Variants in ERC2 observed in about 807,000 individuals in gnomAD.
ERC2 encodes ERC protein 2.
ERC2 carries 42 observed loss-of-function variants against 114.8 expected under a neutral mutation model. The observed-to-expected ratio is 0.37, with a 90% CI of 0.29 to 0.47. The LOEUF is 0.47. Among genes scored for constraint, ERC2 ranks in the 20% least tolerant of loss-of-function variants. The pLI is 0.99. For missense variants in ERC2, 939 were observed against 1,150.7 expected, an observed-to-expected ratio of 0.82 and a Z score of 2.66; for synonymous variants, 454 against 425.5, an observed-to-expected ratio of 1.07 and a Z score of -0.82.
intron 15 of ERC2, among the ~76,000 whole-genome samples, chr3:55,726,946 G>C (rs1381242916): frequency 1.3e-5 from 2 of 152,096 alleles, no homozygotes; most frequent in Non-Finnish European, 2.9e-5. Context: ...GAAATAAGCT[G>C]GTTCTCATTT....
chr3:56,235,859 C>G (rs1034642040), intron 3 of ERC2, among the ~76,000 whole-genome samples: 1 of 152,222 alleles, frequency 6.6e-6, no homozygotes, highest in Non-Finnish European at 1.5e-5. Context: ...GCACTTCCAT[C>G]ATCACAGAAA....
chr3:56,438,368 A>G (rs2062125581), intron 1 of ERC2, among the ~76,000 whole-genome samples: 1 of 152,110 alleles, frequency 6.6e-6, no homozygotes, highest in Non-Finnish European at 1.5e-5. Flanking sequence ...CTTCCCTGCT[A>G]TATAAACCCT....
chr3:55,734,681 A>G, intron 15 of ERC2, 90 bp downstream of exon 15: 2 of 1,491,258 alleles, frequency 1.3e-6, no homozygotes, highest in Middle Eastern at 2.0e-4. Context: ...CACAGGATGG[A>G]CATGGGAAAA....
chr3:55,520,053 T>C (rs370707592), intron 17 of ERC2, among the ~76,000 whole-genome samples: 1 of 62,052 alleles, frequency 1.6e-5, no homozygotes, highest in East Asian at 2.7e-4. Context: ...AGACCCAGTC[T>C]CCAAAAAAAA....
At chr3:56,231,459 G>T (rs1380682043) in intron 3 of ERC2, among the ~76,000 whole-genome samples, 1 of 152,180 alleles carries the variant, frequency 6.6e-6, no homozygotes, top group African/African-American at 2.4e-5. Context: ...ACCTGGCTCA[G>T]AAGCCACCAC....
intron 17 of ERC2, among the ~76,000 whole-genome samples, chr3:55,546,764 A>G (rs1381809048): frequency 6.6e-6 from 1 of 152,198 alleles, no homozygotes; most frequent in African/African-American, 2.4e-5. Flanking sequence ...GATGTGTGCA[A>G]GCGCAGGCCT....
intron 2 of ERC2, among the ~76,000 whole-genome samples, chr3:56,343,134 T>G (rs1177110548): frequency 6.6e-6 from 1 of 151,306 alleles, no homozygotes; most frequent in African/African-American, 2.4e-5. Flanking sequence ...AAGAACCACC[T>G]CCTTTGGGCA....
chr3:55,734,102 T>C (rs815452), intron 15 of ERC2, among the ~76,000 whole-genome samples: 123,794 of 152,176 alleles, frequency 0.81, 50,687 homozygotes, highest in African/African-American at 0.9. Flanking sequence ...GAGCAAGGAA[T>C]TTTCTGCACA....
intron 7 of ERC2, among the ~76,000 whole-genome samples, chr3:56,044,515 ATAAAC>A (rs2075364095): frequency 6.6e-6 from 1 of 152,158 alleles, no homozygotes; most frequent in South Asian, 2.1e-4. Context: ...AAATAATAGA[ATAAAC>A]TAAATTTGAG....
intron 3 of ERC2, among the ~76,000 whole-genome samples, chr3:56,183,128 T>C (rs1349687814): frequency 6.6e-6 from 1 of 152,122 alleles, no homozygotes; most frequent in Non-Finnish European, 1.5e-5. Context: ...GAAGACTCAA[T>C]GGAATATTTA....
At chr3:55,667,067 A>G (rs1447792544) in intron 17 of ERC2, among the ~76,000 whole-genome samples, 2 of 152,226 alleles carry the variant, frequency 1.3e-5, no homozygotes, top group African/African-American at 2.4e-5. Flanking sequence ...ACAAAAACCT[A>G]TATCATGTTG....
At chr3:56,261,920 G>A (rs747915286) in intron 3 of ERC2, among the ~76,000 whole-genome samples, 2 of 152,056 alleles carry the variant, frequency 1.3e-5, no homozygotes, top group Non-Finnish European at 2.9e-5. Flanking sequence ...GTGTCCATGT[G>A]TTCTCATCAT....
At chr3:55,774,437 C>T (rs1495369) in intron 14 of ERC2, among the ~76,000 whole-genome samples, 24,861 of 152,252 alleles carry the variant, frequency 0.16, 2,198 homozygotes, top group East Asian at 0.22. Context: ...TCGTGGTCTC[C>T]CATCAATGTT....
At chr3:55,617,674 C>T (rs1398801818) in intron 17 of ERC2, among the ~76,000 whole-genome samples, 2 of 152,188 alleles carry the variant, frequency 1.3e-5, no homozygotes, top group African/African-American at 4.8e-5. Context: ...ATCTGCCTGC[C>T]ACTTGAACAT....
At chr3:55,760,372 A>ATT (rs200304919) in intron 14 of ERC2, among the ~76,000 whole-genome samples, 6 of 151,640 alleles carry the variant, frequency 4.0e-5, no homozygotes, top group Admixed American at 6.6e-5. Context: ...CCTCCGTGAT[A>ATT]TTTTTTTTTG....
chr3:56,273,765 C>T (rs2053815780), intron 3 of ERC2, among the ~76,000 whole-genome samples: 1 of 152,156 alleles, frequency 6.6e-6, no homozygotes, highest in Admixed American at 6.5e-5. Flanking sequence ...AGCCCCTTCC[C>T]AAGACACTTC....
intron 12 of ERC2, among the ~76,000 whole-genome samples, chr3:55,960,901 G>A (rs764578904): frequency 6.6e-5 from 10 of 152,244 alleles, no homozygotes; most frequent in African/African-American, 1.2e-4. Context: ...TTGGGAGGCC[G>A]AGGGAGGTGG....
intron 14 of ERC2, among the ~76,000 whole-genome samples, chr3:55,821,827 T>G (rs1446967575): frequency 6.6e-6 from 1 of 152,206 alleles, no homozygotes. Flanking sequence ...ATGGAGAATA[T>G]CTCTCAATAA....
At chr3:55,954,453 G>T (rs2067805919) in intron 12 of ERC2, among the ~76,000 whole-genome samples, 1 of 152,182 alleles carries the variant, frequency 6.6e-6, no homozygotes, top group South Asian at 2.1e-4. Flanking sequence ...AGAATAAAGT[G>T]TTCTCTAACT....
Sources: gnomAD v4.1 joint callset for allele counts (sites outside exome capture counted in the v4.1 genomes callset) on GRCh38, gnomAD v4.1.1 for gene constraint, MANE v1.5 for transcripts, NCBI Gene and HGNC (gene_info 2026-07-23, HGNC 2026-07-21) for gene names.